Variants in BFSP1 observed in about 807,000 individuals in gnomAD.
BFSP1 encodes the protein beaded filament structural protein 1, also known as filensin.
A neutral mutation model predicts 43.9 loss-of-function variants in BFSP1; 38 were observed. The ratio of observed to expected loss-of-function variants is 0.87; its 90% CI spans 0.67 to 1.14. The LOEUF is 1.14. Ranked by LOEUF, BFSP1 falls within the 50% of genes most tolerant of loss-of-function variation. The probability of loss-of-function intolerance (pLI) is 0.00; values close to 1 mark genes in which losing one functional copy is unlikely to be tolerated. For missense variants in BFSP1, 850 were observed against 875.1 expected (o/e 0.97, Z 0.36); for synonymous variants, 352 against 354.8 (o/e 0.99, Z 0.09).
rs190139075 is a variant in BFSP1, at chr20:17,566,465, C to T, written n.50+2706G>A. On this transcript the variant is annotated intron_variant and non_coding_transcript_variant, in intron 1 of 6. Transcript: ENST00000473415. Reference sequence around the variant, plus strand: ...CCTTATGTGTCTTAGTCTGTTCAGGCTGCTATAGCAGAATACCATAAACTG... The same window carrying T: ...CCTTATGTGTCTTAGTCTGTTCAGGTTGCTATAGCAGAATACCATAAACTG... Among the ~76,000 whole-genome samples, 27 of 152,310 alleles carry T rather than the reference C, an allele frequency of 1.8e-4. 1 individual carries two copies. Among genetic ancestry groups the T allele is most frequent in the African/African-American group, 6.0e-4 (25 of 41,576 alleles).
At chr20:17,550,794 A>G (rs2034885062) in intron 1 of BFSP1, among the ~76,000 whole-genome samples, 1 of 152,178 alleles carries the variant, frequency 6.6e-6, no homozygotes, top group African/African-American at 2.4e-5. Flanking sequence ...TTTTAAAAGC[A>G]TGTATTATTA....
intron 1 of BFSP1, among the ~76,000 whole-genome samples, chr20:17,540,117 G>T (rs1279481190): frequency 6.6e-6 from 1 of 151,998 alleles, no homozygotes; most frequent in Non-Finnish European, 1.5e-5. Context: ...ACAGAAGTTC[G>T]CCATTGTTTA....
chr20:17,531,743 T>C (rs1034285801), upstream of BFSP1, among the ~76,000 whole-genome samples: 1 of 152,236 alleles, frequency 6.6e-6, no homozygotes, highest in East Asian at 1.9e-4. Flanking sequence ...CTTGTCACTT[T>C]GTCTCCTCTT....
At chr20:17,520,787 G>A (rs535925324) in intron 2 of BFSP1, among the ~76,000 whole-genome samples, 293 of 152,236 alleles carry the variant, frequency 1.9e-3, no homozygotes, top group Non-Finnish European at 3.4e-3. Flanking sequence ...CGGGCTCAGA[G>A]GAATTCTTGG....
At chr20:17,564,264 G>A (rs1211143928) in intron 1 of BFSP1, among the ~76,000 whole-genome samples, 2 of 151,816 alleles carry the variant, frequency 1.3e-5, no homozygotes, top group East Asian at 1.9e-4. Flanking sequence ...CTACTCAAGA[G>A]GCTGAGATTG....
chr20:17,494,464 T>C lies in BFSP1; in HGVS notation c.1608A>G (p.Pro536=). ...CCTTGTCTATAGGCTGCTGGTCAATTGGTTGTCCATCTTCTTTCTCCTGCA... is the reference window on the plus strand; with the variant it reads ...CCTTGTCTATAGGCTGCTGGTCAATCGGTTGTCCATCTTCTTTCTCCTGCA... ...VGLQEKEDGQ[P]IDQQPIDKEI... The change falls in exon 8 of 8, where the codon CCA becomes CCG. Residue 536 remains proline (P), a synonymous_variant. Transcript: ENST00000377873. 1 of 1,614,218 alleles carries C rather than the reference T, an allele frequency of 6.2e-7. No individual in the cohort carries two copies. The highest frequency in any genetic ancestry group is 2.2e-5 in the East Asian group (1 of 44,882).
chr20:17,537,190 T>C (rs933473298), intron 1 of BFSP1, among the ~76,000 whole-genome samples: 20 of 152,178 alleles, frequency 1.3e-4, no homozygotes, highest in African/African-American at 4.8e-4. Flanking sequence ...TTGAAGCCTT[T>C]CCACCAAACT....
intron 5 of BFSP1, among the ~76,000 whole-genome samples, chr20:17,504,563 A>G (rs1158908963): frequency 6.6e-6 from 1 of 152,166 alleles, no homozygotes. Flanking sequence ...AGGAGGCAGG[A>G]CCGGTCCTGG....
intron 2 of BFSP1, among the ~76,000 whole-genome samples, chr20:17,518,807 T>C (rs904102363): frequency 1.3e-5 from 2 of 152,194 alleles, no homozygotes. Flanking sequence ...GACCCAGCTC[T>C]GAATCAGTTC....
In BFSP1 at chr20:17,494,473, A is replaced by G. The variant is rs747167456; in HGVS notation, c.1599T>C (p.Asp533=). The G allele has an allele frequency of 1.2e-6, 2 of 1,614,158 alleles. No homozygotes were observed. Among genetic ancestry groups the G allele is most frequent in the Non-Finnish European group, 1.7e-6 (2 of 1,180,026 alleles). ...TAGGCTGCTGGTCAATTGGTTGTCC[A>G]TCTTCTTTCTCCTGCAGACCCACCT... ...NGQVGLQEKE[D]GQPIDQQPID... Residue 533 remains aspartate, a synonymous_variant, in exon 8 of 8, where the codon GAT becomes GAC. Coordinates refer to ENST00000377873, the MANE Select transcript of BFSP1 (RefSeq NM_001195.5).
chr20:17,560,836 T>C (rs1600688952), upstream of BFSP1: 1 of 152,194 alleles, frequency 6.6e-6, no homozygotes, highest in East Asian at 1.9e-4. Context: ...ACCAGAGAGC[T>C]TGCCACAACC....
chr20:17,498,330 C>A (rs1440925625), intron 6 of BFSP1, among the ~76,000 whole-genome samples: 1 of 152,180 alleles, frequency 6.6e-6, no homozygotes, highest in East Asian at 1.9e-4. Flanking sequence ...GACCAGACAG[C>A]CACATAGTCA....
In BFSP1 at chr20:17,529,508, C is replaced by CTG. The variant is rs1326397742; in HGVS notation, c.377+1443_377+1444dup. Among the ~76,000 whole-genome samples, 18 of 149,746 alleles carry CTG rather than the reference C, an allele frequency of 1.2e-4. No homozygotes were observed. In the South Asian group the frequency reaches 3.4e-3, roughly 28 times the overall value. ...TAGCCAGTGTCATTGGGGCATGTGCCTGTGTGTGTGTCTGTGTGTGTGTGT... is the reference window on the plus strand; with the variant it reads ...TAGCCAGTGTCATTGGGGCATGTGCCTGTGTGTGTGTGTCTGTGTGTGTGTGT... On this transcript the variant is annotated intron_variant, in intron 1 of 7. Transcript: ENST00000377873.
intron 1 of BFSP1, among the ~76,000 whole-genome samples, chr20:17,536,710 C>T (rs1305092793): frequency 1.1e-4 from 16 of 152,114 alleles, no homozygotes; most frequent in Admixed American, 9.8e-4. Context: ...GAGATACATT[C>T]TGAGTTTGCT....
chr20:17,569,171 C>G (rs1416189034), exon 1 of BFSP1: 2 of 152,278 alleles, frequency 1.3e-5, no homozygotes, highest in Non-Finnish European at 2.9e-5. Flanking sequence ...TTTTCCAGAC[C>G]TGAAATTAAC....
At position 17,494,882 on chromosome 20, in the gene BFSP1, G is replaced by T; in HGVS notation, c.1190C>A (p.Thr397Lys). Residue 397 changes from threonine to lysine, a missense_variant, in exon 8 of 8, where the codon ACA becomes AAA. Physicochemically the swap from Thr to Lys is moderately conservative, Grantham distance 78 (BLOSUM62 -1). Transcript: ENST00000377873. The stretch of plus-strand genomic sequence containing the variant: ...TTTAAGTACCACCTGTACCAGCTTT[G>T]TGTCTTCCAAACCTTTTAATGGTGC... ...EDAPLKGLED[T>K]KLVQVVLKEE... is the part of the protein sequence containing the mutation. 6.2e-7 allele frequency: 1 copy of T among 1,614,124 alleles called. No individual in the cohort carries two copies. The highest frequency in any genetic ancestry group is 8.5e-7 in the Non-Finnish European group (1 of 1,180,026).
intron 4 of BFSP1, among the ~76,000 whole-genome samples, chr20:17,510,330 T>C (rs2034048121): frequency 6.6e-6 from 1 of 152,200 alleles, no homozygotes. Flanking sequence ...GATGATACAA[T>C]TCAAAAGGTA....
At chr20:17,524,783 C>T (rs1004563561) in intron 2 of BFSP1, 65 bp downstream of exon 2, 1 of 1,538,256 alleles carries the variant, frequency 6.5e-7, no homozygotes, top group East Asian at 2.2e-5. Flanking sequence ...GTAAAACCTG[C>T]ACTTCCACCA....
rs2034408124 is a variant in BFSP1, at chr20:17,525,869, C to T, written c.378-961G>A. Among the ~76,000 whole-genome samples, 1 of 152,106 alleles carries T rather than the reference C, an allele frequency of 6.6e-6. No homozygotes were observed. Among genetic ancestry groups the T allele is most frequent in the African/African-American group, 2.4e-5 (1 of 41,426 alleles). ...TAAGTCCTGACCAATGGGATGGAAG[C>T]ATAAGTCTGCATGGCAGCTTCCAGA... On this transcript the variant is annotated intron_variant, in intron 1 of 7. Coordinates refer to ENST00000377873, the MANE Select transcript of BFSP1 (RefSeq NM_001195.5). This position sits in a 1 kb window ranked among gnomAD's most constrained non-coding sequence, Gnocchi z 4.2.
Sources: gnomAD v4.1 joint callset for allele counts (sites outside exome capture counted in the v4.1 genomes callset) on GRCh38, gnomAD v4.1.1 for gene constraint, Gnocchi (gnomAD v3.1) non-coding constraint, MANE v1.5 for transcripts, NCBI Gene and HGNC (gene_info 2026-07-23, HGNC 2026-07-21) for gene names.